SLC25A21: variants seen among roughly 807,000 people sequenced by gnomAD.
SLC25A21 encodes the protein mitochondrial 2-oxodicarboxylate carrier.
In SLC25A21, 47 loss-of-function variants were observed where a neutral mutation model predicts 43.8. The ratio of observed to expected loss-of-function variants is 1.07; its 90% CI spans 0.85 to 1.37. SLC25A21 has a LOEUF of 1.37. Ranked by LOEUF, SLC25A21 falls within the 40% of genes most tolerant of loss-of-function variation. The pLI is 0.00. For synonymous variants in SLC25A21, 131 were observed against 121.3 expected (o/e 1.08, Z -0.52); for missense variants, 352 against 350.2 (o/e 1.00, Z -0.04).
intron 3 of SLC25A21, among the ~76,000 whole-genome samples, chr14:36,792,798 A>G (rs536438783): frequency 2.0e-5 from 3 of 152,314 alleles, no homozygotes; most frequent in African/African-American, 7.2e-5. Context: ...AAAAAGTTAA[A>G]CAATTTATGG....
chr14:37,070,758 C>G (rs573673174), intron 1 of SLC25A21, among the ~76,000 whole-genome samples: 1 of 152,240 alleles, frequency 6.6e-6, no homozygotes, highest in Admixed American at 6.5e-5. Context: ...CTAAGCAAGC[C>G]TGGAAGTGAT....
intron 1 of SLC25A21, among the ~76,000 whole-genome samples, chr14:37,117,975 T>A (rs1417415016): frequency 6.6e-6 from 1 of 152,142 alleles, no homozygotes; most frequent in African/African-American, 2.4e-5. Context: ...CTTTTTTGTA[T>A]GGATTCCCCT....
chr14:36,930,964 A>C (rs1413484963), intron 1 of SLC25A21, among the ~76,000 whole-genome samples: 1 of 152,060 alleles, frequency 6.6e-6, no homozygotes, highest in African/African-American at 2.4e-5. Flanking sequence ...GCTCCTATAC[A>C]TGCTTCAAAA....
intron 1 of SLC25A21, among the ~76,000 whole-genome samples, chr14:37,073,807 G>C (rs979976518): frequency 6.6e-6 from 1 of 152,082 alleles, no homozygotes; most frequent in Admixed American, 6.6e-5. Flanking sequence ...GCATAACCCA[G>C]GTTAGCCTCC....
chr14:36,852,949 C>A (rs990472933), intron 2 of SLC25A21, among the ~76,000 whole-genome samples: 4 of 152,190 alleles, frequency 2.6e-5, no homozygotes, highest in Admixed American at 1.3e-4. Flanking sequence ...TGCACCGAAA[C>A]AGGAACATTT....
intron 1 of SLC25A21, chr14:37,097,710 C>T (rs1962727492): frequency 6.6e-6 from 1 of 151,850 alleles, no homozygotes; most frequent in African/African-American, 2.4e-5. Flanking sequence ...TGGTGAAACC[C>T]CATCTCTACT....
chr14:37,024,352 G>C (rs138519108), intron 1 of SLC25A21, among the ~76,000 whole-genome samples: 5 of 152,116 alleles, frequency 3.3e-5, no homozygotes, highest in African/African-American at 1.2e-4. Context: ...TTGGTTCCAA[G>C]TAGGGTCAAC....
intron 3 of SLC25A21, among the ~76,000 whole-genome samples, chr14:36,759,933 A>C (rs199807876): frequency 1.3e-5 from 2 of 152,126 alleles, no homozygotes; most frequent in East Asian, 1.9e-4. Context: ...ACGTCACTGC[A>C]CTCCAGCCTG....
At chr14:36,718,555 A>G (rs901153630) in intron 6 of SLC25A21, among the ~76,000 whole-genome samples, 1 of 152,176 alleles carries the variant, frequency 6.6e-6, no homozygotes, top group African/African-American at 2.4e-5. Context: ...CAGCCCTTCA[A>G]TTTACTTTAT....
At chr14:36,934,202 G>C (rs1437109366) in intron 1 of SLC25A21, among the ~76,000 whole-genome samples, 2 of 151,992 alleles carry the variant, frequency 1.3e-5, no homozygotes, top group African/African-American at 2.4e-5. Context: ...TAACCTTTTA[G>C]GACTTGAGTA....
intron 1 of SLC25A21, among the ~76,000 whole-genome samples, chr14:36,997,454 A>G (rs1484763002): frequency 2.0e-5 from 3 of 152,234 alleles, no homozygotes; most frequent in Non-Finnish European, 4.4e-5. Flanking sequence ...CTGTTAGTTA[A>G]GAATAAATAT....
chr14:36,791,749 C>T (rs566814178), intron 3 of SLC25A21, among the ~76,000 whole-genome samples: 105 of 152,234 alleles, frequency 6.9e-4, no homozygotes, highest in Non-Finnish European at 1.2e-3. Context: ...ATTAACCACC[C>T]CGCTTTGCTC....
intron 1 of SLC25A21, among the ~76,000 whole-genome samples, chr14:37,015,505 T>G (rs568812006): frequency 6.6e-6 from 1 of 152,120 alleles, no homozygotes; most frequent in South Asian, 2.1e-4. Context: ...TAGACATACG[T>G]GTGCATGTGT....
At chr14:36,991,487 C>T (rs570104013) in intron 1 of SLC25A21, among the ~76,000 whole-genome samples, 1 of 152,250 alleles carries the variant, frequency 6.6e-6, no homozygotes, top group Non-Finnish European at 1.5e-5. Flanking sequence ...CTGTGCTCAA[C>T]TATGAGAACC....
At chr14:36,685,456 A>G (rs1882495010) in intron 7 of SLC25A21, among the ~76,000 whole-genome samples, 1 of 152,172 alleles carries the variant, frequency 6.6e-6, no homozygotes, top group Non-Finnish European at 1.5e-5. Context: ...CACTGTACTG[A>G]GAAGTGCTAG....
At chr14:37,043,627 T>G (rs1283312021) in intron 1 of SLC25A21, among the ~76,000 whole-genome samples, 9 of 152,186 alleles carry the variant, frequency 5.9e-5, no homozygotes, top group African/African-American at 2.2e-4. Flanking sequence ...CCCTTACAGA[T>G]AGAAGACAGT....
chr14:36,871,925 G>A (rs956667957), intron 2 of SLC25A21, among the ~76,000 whole-genome samples: 1 of 152,106 alleles, frequency 6.6e-6, no homozygotes. Context: ...ACCACATTCA[G>A]AAATAACTAT....
chr14:37,097,557 T>C (rs185817840), intron 1 of SLC25A21, among the ~76,000 whole-genome samples: 9 of 152,254 alleles, frequency 5.9e-5, no homozygotes, highest in Admixed American at 5.2e-4. Flanking sequence ...AGGCCTACAA[T>C]GTTTGCAACT....
intron 1 of SLC25A21, among the ~76,000 whole-genome samples, chr14:37,037,309 G>A (rs965267327): frequency 6.6e-6 from 1 of 152,000 alleles, no homozygotes; most frequent in East Asian, 1.9e-4. Flanking sequence ...ACCTTTTCAG[G>A]GGATCCTCTT....
Sources: allele counts gnomAD v4.1 joint callset (sites outside exome capture counted in the v4.1 genomes callset), GRCh38; gene constraint gnomAD v4.1.1; transcripts MANE v1.5; gene names NCBI Gene and HGNC (gene_info 2026-07-23, HGNC 2026-07-21).